The following PLXNA3 variants were observed in gnomAD, a reference collection of about 807,000 sequenced individuals.
The protein encoded by PLXNA3 is plexin-A3.
Under a neutral mutation model 118.8 loss-of-function variants are expected in PLXNA3, and 52 were observed. The ratio of observed to expected loss-of-function variants is 0.44; its 90% CI spans 0.35 to 0.55. The LOEUF (loss-of-function observed/expected upper bound fraction) is 0.55, where lower values mean the gene tolerates loss of function less well. Ranked by LOEUF, PLXNA3 falls within the 20% of genes least tolerant of loss-of-function variation. PLXNA3 has a pLI of 0.01. For missense variants in PLXNA3, 1,660 were observed against 1,730.8 expected (o/e 0.96, Z 0.73); for synonymous variants, 925 against 762.4 (o/e 1.21, Z -3.51).
At chrX:154,465,340 C>G in intron 11 of PLXNA3, 84 bp from the exon 12 acceptor site, 1 of 1,036,731 alleles carries the variant, frequency 9.6e-7, no homozygotes, top group South Asian at 1.9e-5. Flanking sequence ...ATTCCTGTAC[C>G]TGGAGGAGGG....
rs1375196346 is a variant in PLXNA3 at position 154,477,276 on chromosome X, C to T, written c.*4591C>T. 1 of 112,418 alleles carries T rather than the reference C, an allele frequency of 8.9e-6. No individual in the cohort carries two copies. The highest frequency in any genetic ancestry group is 1.9e-5 in the Non-Finnish European group (1 of 53,289). 9.3% of individuals were successfully genotyped at this position (112,418 alleles called of 1,213,427 possible). ...TCTTCAAAGCAAGACTCAAAAGGAT[C>T]AAACCATTTCCTTGTTTTCTGAGAA... On this transcript the variant is annotated 3_prime_UTR_variant, in exon 33 of 33. Coordinates refer to ENST00000369682, the MANE Select transcript of PLXNA3 (RefSeq NM_017514.5).
chrX:154,461,585 G>A lies in PLXNA3; in HGVS notation c.1081G>A (p.Gly361Ser). 8.3e-7 allele frequency: 1 copy of A among 1,204,845 alleles called. No individual in the cohort carries two copies. Among genetic ancestry groups the A allele is most frequent in the Admixed American group, 2.2e-5 (1 of 46,076 alleles). The change falls in exon 3 of 33, where the codon GGC (glycine) becomes AGC (serine). Residue 361 changes from glycine to serine, a missense_variant. By Grantham distance (56) the Gly-to-Ser change is moderately conservative (BLOSUM62 0). Transcript: ENST00000369682. ...CATCCAGTCCTGCTATCGTGGGGAG[G>A]GCACTCTGGCTCTGCCCTGGCTGCT... ...RRIQSCYRGE[G>S]TLALPWLLNK...
chrX:154,474,312 C>CTTTTT lies in PLXNA3; in HGVS notation c.*1642_*1646dup, dbSNP rs35547961. 1 of 67,736 alleles carries CTTTTT rather than the reference C, an allele frequency of 1.5e-5. No homozygotes were observed. The highest frequency in any genetic ancestry group is 4.9e-5 in the African/African-American group (1 of 20,223). The allele number at this position is 67,736 out of a possible 1,213,427, so 5.6% of individuals were successfully genotyped here. The stretch of plus-strand genomic sequence containing the variant: ...TATTAGTGCACTCTACTATGCCAGG[C>CTTTTT]TTTTTTTTTTTTTTTTTTTGAGATA... On this transcript the variant is annotated 3_prime_UTR_variant, in exon 33 of 33. Coordinates refer to ENST00000369682, the MANE Select transcript of PLXNA3 (RefSeq NM_017514.5).
In PLXNA3 at chrX:154,464,037, G is replaced by A. The variant is rs201411324; in HGVS notation, c.1634G>A (p.Arg545Gln). The A allele has an allele frequency of 2.0e-4, 239 of 1,208,904 alleles. No individual in the cohort carries two copies. Among genetic ancestry groups the A allele is most frequent in the Non-Finnish European group, 1.7e-4 (151 of 894,566 alleles). The change falls in exon 7 of 33, where the codon CGG becomes CAG. Residue 545 changes from arginine to glutamine, a missense_variant. Around this residue, in one of 2 missense-constraint regions of PLXNA3, gnomAD observed 791 missense variants for 652.1 expected, o/e 1.21. Coordinates refer to ENST00000369682, the MANE Select transcript of PLXNA3 (RefSeq NM_017514.5). ...ELSKCVQVRV[R>Q]PNNVSVTSPG... ...AGCAAGTGTGTCCAGGTGCGGGTCC[G>A]GCCCAACAATGTGTCAGTGACGTCA...
chrX:154,461,486 C>A lies in PLXNA3; in HGVS notation c.982C>A (p.Arg328=). ...CATCTTCTCTCAGGGCCAGAAGAACCGGGCCAGCCCACCCCGGCAGACCAT... is the reference window on the plus strand; with the variant it reads ...CATCTTCTCTCAGGGCCAGAAGAACAGGGCCAGCCCACCCCGGCAGACCAT... The part of the protein sequence containing the change: ...FTIFSQGQKN[R]ASPPRQTILC... Residue 328 remains arginine (R), a synonymous_variant, in exon 3 of 33, where the codon CGG becomes AGG. Coordinates refer to ENST00000369682, the MANE Select transcript of PLXNA3 (RefSeq NM_017514.5). The A allele has an allele frequency of 1.7e-6, 2 of 1,211,956 alleles. No homozygotes were observed. Among genetic ancestry groups the A allele is most frequent in the Admixed American group, 4.3e-5 (2 of 46,150 alleles).
Position 154,461,658 on chromosome X carries a change from A to C in PLXNA3, c.1134+20A>C. The C allele has an allele frequency of 8.6e-7, 1 of 1,159,031 alleles. No individual in the cohort carries two copies. On this transcript the variant is annotated intron_variant, in intron 3 of 32. Coordinates refer to ENST00000369682, the MANE Select transcript of PLXNA3 (RefSeq NM_017514.5). ...AACACCGTGAGCCCCTCATCACCCC[A>C]CACTGGTCCTCTGCCCTGTCCCAGG... is the stretch of plus-strand genomic sequence containing the variant.
chrX:154,465,714 A>G lies in PLXNA3; in HGVS notation c.2399A>G (p.Asp800Gly). 1 of 1,210,465 alleles carries G rather than the reference A, an allele frequency of 8.3e-7. No homozygotes were observed. The highest frequency in any genetic ancestry group is 1.1e-6 in the Non-Finnish European group (1 of 895,024). The change falls in exon 13 of 33, where the codon GAT (aspartate) becomes GGT (glycine). Residue 800 changes from aspartate to glycine, a missense_variant. Physicochemically the swap from Asp to Gly is moderately conservative, Grantham distance 94. Transcript: ENST00000369682. ...RPSCGLCLKA[D>G]PRFNCGWCIS... The stretch of plus-strand genomic sequence containing the variant: ...AGCTGTGGCCTCTGCCTCAAGGCTG[A>G]TCCCCGCTTCAACTGTGGCTGGTGC...
Position 154,461,318 on chromosome X carries a change from T to G in PLXNA3, c.814T>G (p.Phe272Val). 1 of 1,211,727 alleles carries G rather than the reference T, an allele frequency of 8.3e-7. No individual in the cohort carries two copies. The highest frequency in any genetic ancestry group is 1.1e-6 in the Non-Finnish European group (1 of 895,419). The change falls in exon 3 of 33, where the codon TTC becomes GTC. Residue 272 changes from phenylalanine (F) to valine (V), a missense_variant. Phe to Val is a conservative substitution (Grantham distance 50, BLOSUM62 -1). Transcript: ENST00000369682. The part of the protein sequence containing the change: ...IVRMCAGDSE[F>V]YSYVEFPIGC... ...GCGCATGTGCGCGGGAGACTCAGAGTTCTACTCATACGTGGAATTCCCCAT... is the reference window on the plus strand; with the variant it reads ...GCGCATGTGCGCGGGAGACTCAGAGGTCTACTCATACGTGGAATTCCCCAT...
rs2069049938 is a variant in PLXNA3 at position 154,464,829 on chromosome X, C to T, written c.2004C>T (p.His668=). 3 of 1,207,252 alleles carry T rather than the reference C, an allele frequency of 2.5e-6. No homozygotes were observed. The highest frequency in any genetic ancestry group is 1.8e-5 in the South Asian group (1 of 56,298). ...GCCACACGTGTACCAGCCGCCCCCA[C>T]GAGTGCTCCTTCCAGGAGGGCAGGG... is the stretch of plus-strand genomic sequence containing the variant. ...KYRHTCTSRP[H]ECSFQEGRVH... Residue 668 remains histidine (H), a synonymous_variant, in exon 10 of 33, where the codon CAC becomes CAT. Coordinates refer to ENST00000369682, the MANE Select transcript of PLXNA3 (RefSeq NM_017514.5).
Position 154,467,365 on chromosome X carries a change from G to A in PLXNA3, c.3335G>A (p.Arg1112His), listed in dbSNP as rs782007314. The A allele has an allele frequency of 9.1e-6, 11 of 1,202,881 alleles. No individual in the cohort carries two copies. Among genetic ancestry groups the A allele is most frequent in the East Asian group, 3.0e-5 (1 of 33,775 alleles). The change falls in exon 19 of 33, where the codon CGC becomes CAC. Residue 1112 changes from arginine (R) to histidine (H), a missense_variant. Arg to His is a conservative substitution (Grantham distance 29). Around this residue, in one of 2 missense-constraint regions of PLXNA3, gnomAD observed 869 missense variants for 1,078.7 expected, o/e 0.81. Coordinates refer to ENST00000369682, the MANE Select transcript of PLXNA3 (RefSeq NM_017514.5). ...GFLLDHVQTARSLNRSSFTYY... is the reference protein window; with the variant it reads ...GFLLDHVQTAHSLNRSSFTYY... ...CTGCTGGACCACGTGCAAACGGCCC[G>A]CTCCCTCAACCGCTCCTCCTTTACC...
chrX:154,467,485 G>A lies in PLXNA3; in HGVS notation c.3441+14G>A. On this transcript the variant is annotated intron_variant, in intron 19 of 32. Transcript: ENST00000369682. The stretch of plus-strand genomic sequence containing the variant: ...GTGGTGCTGAAGGTGCGGGCGGGGT[G>A]GGGGCGGGGAGGGGCGGGAAAGTGG... 1.7e-6 allele frequency: 2 copies of A among 1,155,863 alleles called. No individual in the cohort carries two copies. Among genetic ancestry groups the A allele is most frequent in the Non-Finnish European group, 2.3e-6 (2 of 868,737 alleles).
rs368976181 is a variant in PLXNA3, at chrX:154,464,092, G to A, written c.1671+18G>A. Reference sequence around the variant, plus strand: ...GGGTGCAGGTGAGCAGCTTGGGGGTGCCCGGCTGGGTGTGCACATGTGTGC... The same window carrying A: ...GGGTGCAGGTGAGCAGCTTGGGGGTACCCGGCTGGGTGTGCACATGTGTGC... On this transcript the variant is annotated intron_variant, in intron 7 of 32. Coordinates refer to ENST00000369682, the MANE Select transcript of PLXNA3 (RefSeq NM_017514.5). The A allele has an allele frequency of 7.4e-6, 9 of 1,209,911 alleles. No homozygotes were observed. The highest frequency in any genetic ancestry group is 1.0e-5 in the Non-Finnish European group (9 of 894,851).
Position 154,469,675 on chromosome X carries a change from C to T in PLXNA3, c.4699-13C>T. 1 of 1,201,215 alleles carries T rather than the reference C, an allele frequency of 8.3e-7. No homozygotes were observed. The highest frequency in any genetic ancestry group is 1.1e-6 in the Non-Finnish European group (1 of 885,884). ...CTTCCTGCACTGCCCCCCTCTGTCT[C>T]TGGGGCCTCCAGGTGACAGACGGTT... is the stretch of plus-strand genomic sequence containing the variant. On this transcript the variant is annotated splice_polypyrimidine_tract_variant and intron_variant, in intron 27 of 32. Coordinates refer to ENST00000369682, the MANE Select transcript of PLXNA3 (RefSeq NM_017514.5).
Position 154,475,517 on chromosome X carries a change from A to G in PLXNA3, c.*2832A>G, listed in dbSNP as rs1557210741. ...GCTCCAGCCGTCCAGCTGTGGGGCC[A>G]CGGTGCCAGACAGTGGTGGTGGTTA... On this transcript the variant is annotated 3_prime_UTR_variant, in exon 33 of 33. Coordinates refer to ENST00000369682, the MANE Select transcript of PLXNA3 (RefSeq NM_017514.5). 1 of 112,398 alleles carries G rather than the reference A, an allele frequency of 8.9e-6. No individual in the cohort carries two copies. Among genetic ancestry groups the G allele is most frequent in the African/African-American group, 3.2e-5 (1 of 30,907 alleles). The allele number at this position is 112,398 out of a possible 1,213,427, so 9.3% of individuals were successfully genotyped here. A position where few individuals can be genotyped will look rare whatever the true frequency, so the allele number is the denominator to read the frequency against.
Position 154,460,697 on chromosome X carries a change from G to A in PLXNA3, c.514G>A (p.Asp172Asn), listed in dbSNP as rs181269464. 36 of 1,148,266 alleles carry A rather than the reference G, an allele frequency of 3.1e-5. No individual in the cohort carries two copies. Among genetic ancestry groups the A allele is most frequent in the East Asian group, 3.0e-4 (10 of 33,317 alleles). 94.6% of individuals were successfully genotyped at this position (1,148,266 alleles called of 1,213,427 possible). ...CAAGCTGTTTGTGGGCACTGCTGTC[G>A]ACGGCAAGTCGGAGTACTTCCCCAC... ...PSKLFVGTAV[D>N]GKSEYFPTLS... Residue 172 changes from aspartate (D) to asparagine (N), a missense_variant, in exon 2 of 33, where the codon GAC becomes AAC. Physicochemically the swap from Asp to Asn is conservative, Grantham distance 23. Around this residue, in one of 2 missense-constraint regions of PLXNA3, gnomAD observed 791 missense variants for 652.1 expected, o/e 1.21. Transcript: ENST00000369682.
At position 154,469,749 on chromosome X, in the gene PLXNA3, A is replaced by G; in HGVS notation, c.4760A>G (p.Asn1587Ser). ...PKQVSAYNMA[N>S]SFTFTRSLSR... is the part of the protein sequence containing the mutation. ...CAAGTGTCTGCCTATAACATGGCCA[A>G]CTCCTTCACCTTCACCCGCTCCCTC... The change falls in exon 28 of 33, where the codon AAC (asparagine) becomes AGC (serine). Residue 1587 changes from asparagine to serine, a missense_variant. Physicochemically the swap from Asn to Ser is conservative, Grantham distance 46 (BLOSUM62 1). Transcript: ENST00000369682. The G allele has an allele frequency of 8.3e-7, 1 of 1,209,962 alleles. No individual in the cohort carries two copies. The highest frequency in any genetic ancestry group is 3.0e-5 in the East Asian group (1 of 33,821).
Position 154,470,615 on chromosome X carries a change from T to TCACCC in PLXNA3, c.5156+6_5156+10dup, listed in dbSNP as rs782080525. The TCACCC allele has an allele frequency of 1.7e-6, 2 of 1,207,892 alleles. No homozygotes were observed. Among genetic ancestry groups the TCACCC allele is most frequent in the Admixed American group, 4.3e-5 (2 of 46,046 alleles). On this transcript the variant is annotated splice_donor_region_variant and intron_variant, in intron 30 of 32. Coordinates refer to ENST00000369682, the MANE Select transcript of PLXNA3 (RefSeq NM_017514.5). Reference sequence around the variant, plus strand: ...GCCACACCTGGAAGAGCAACTGGTATCACCCCGTGCTGGGCTGCCAGCAGC... The same window carrying TCACCC: ...GCCACACCTGGAAGAGCAACTGGTATCACCCCACCCCGTGCTGGGCTGCCAGCAGC...
At position 154,465,119 on chromosome X, in the gene PLXNA3, C is replaced by T. The variant is rs782676452; in HGVS notation, c.2145C>T (p.Gly715=). 5.8e-6 allele frequency: 7 copies of T among 1,209,009 alleles called. No individual in the cohort carries two copies. The African/African-American group carries it at 1.2e-4, about 21-fold the overall frequency. ...AGAACCTACCTCAGCCGCAGTCGGG[C>T]CAGAAGAACTATGAGTGCGTGGTGC... ...RAKNLPQPQS[G]QKNYECVVRV... is the part of the protein sequence containing the mutation. Residue 715 remains glycine, a synonymous_variant, in exon 11 of 33, where the codon GGC becomes GGT. Coordinates refer to ENST00000369682, the MANE Select transcript of PLXNA3 (RefSeq NM_017514.5).
At position 154,460,762 on chromosome X, in the gene PLXNA3, G is replaced by T. The variant is rs367789508; in HGVS notation, c.579G>T (p.Ala193=). The change falls in exon 2 of 33, where the codon GCG becomes GCT. Residue 193 remains alanine (A), a synonymous_variant. Transcript: ENST00000369682. ...SRKLISDEDS[A]DMFSLVYQDE... is the part of the protein sequence containing the mutation. ...AGCTCATCAGTGATGAAGACAGCGC[G>T]GACATGTTCAGTCTCGTGCGTGAGC... 8.9e-7 allele frequency: 1 copy of T among 1,118,389 alleles called. No individual in the cohort carries two copies. Among genetic ancestry groups the T allele is most frequent in the African/African-American group, 1.8e-5 (1 of 54,610 alleles). 92.2% of individuals were successfully genotyped at this position (1,118,389 alleles called of 1,213,427 possible).
Sources: allele counts gnomAD v4.1 joint callset, GRCh38; gene constraint gnomAD v4.1.1; regional missense constraint gnomAD v4.1.1; transcripts MANE v1.5; gene names NCBI Gene and HGNC (gene_info 2026-07-23, HGNC 2026-07-21).